Variants in CPQ observed in about 807,000 individuals in gnomAD.
CPQ encodes carboxypeptidase Q, also known as Ser-Met dipeptidase.
Under a neutral mutation model 45.7 loss-of-function variants are expected in CPQ, and 37 were observed. The observed-to-expected ratio is 0.81, with a 90% confidence interval of 0.62 to 1.07. CPQ has a LOEUF of 1.07. CPQ is among the 50% of genes least tolerant of loss of function. CPQ has a pLI of 0.00. For missense variants in CPQ, 537 were observed against 572.9 expected, an observed-to-expected ratio of 0.94 and a Z score of 0.64; for synonymous variants, 186 against 205.8, an observed-to-expected ratio of 0.90 and a Z score of 0.82.
In CPQ at chr8:96,930,248, C is replaced by T. The variant is rs566525455; in HGVS notation, c.850-35687C>T. Among the ~76,000 whole-genome samples, 36 of 152,310 alleles carry T rather than the reference C, an allele frequency of 2.4e-4. No individual in the cohort carries two copies. The South Asian group carries it at 7.2e-3, about 31-fold the overall frequency. ...TTTTCGTCCAGCAGATGGCTAGCAA[C>T]AAGAACTGCTTAGAAGACCTTCACT... On this transcript the variant is annotated intron_variant, in intron 4 of 7. Coordinates refer to ENST00000220763, the MANE Select transcript of CPQ (RefSeq NM_016134.4).
At chr8:96,757,077 T>C (rs1344600272) in intron 1 of CPQ, among the ~76,000 whole-genome samples, 1 of 152,076 alleles carries the variant, frequency 6.6e-6, no homozygotes, top group African/African-American at 2.4e-5. Flanking sequence ...CAGCTGAGCG[T>C]GGTGACTCAT....
At chr8:96,928,062 C>T (rs925275601) in intron 4 of CPQ, among the ~76,000 whole-genome samples, 1 of 152,148 alleles carries the variant, frequency 6.6e-6, no homozygotes, top group African/African-American at 2.4e-5. Context: ...CAGCAGGTCC[C>T]GTACAGCTGA....
rs1563580597 is a variant in CPQ at position 97,101,978 on chromosome 8, C to CT, written c.1255+35768_1255+35769insT. ...TCTCTCTCTCTCTCTCTCTCTCTCT[C>CT]CTGATAGCTCACCTTATGTTAAGTG... is the stretch of plus-strand genomic sequence containing the variant. On this transcript the variant is annotated intron_variant, in intron 7 of 7. Transcript: ENST00000220763. 2.9e-3 allele frequency among the ~76,000 whole-genome samples: 428 copies of CT among 145,280 alleles called. 1 individual carries two copies. Among genetic ancestry groups the CT allele is most frequent in the African/African-American group, 0.011 (413 of 38,800 alleles).
chr8:96,784,401 G>GC (rs1810730383), intron 1 of CPQ, among the ~76,000 whole-genome samples: 4 of 146,306 alleles, frequency 2.7e-5, no homozygotes, highest in African/African-American at 1.0e-4. Context: ...TTCTGAGGTG[G>GC]GGGGGGGGTT....
intron 1 of CPQ, among the ~76,000 whole-genome samples, chr8:96,764,521 C>G (rs1810443677): frequency 6.6e-6 from 1 of 152,054 alleles, no homozygotes; most frequent in South Asian, 2.1e-4. Context: ...AAACATATGT[C>G]AAAACTTATT....
intron 5 of CPQ, among the ~76,000 whole-genome samples, chr8:96,969,858 AAG>A (rs1813632233): frequency 6.6e-6 from 1 of 152,194 alleles, no homozygotes; most frequent in African/African-American, 2.4e-5. Flanking sequence ...AAAGAAAAGA[AAG>A]AGTTTTGGTA....
chr8:97,026,619 T>C (rs1406496909), intron 5 of CPQ, among the ~76,000 whole-genome samples: 1 of 152,236 alleles, frequency 6.6e-6, no homozygotes, highest in Non-Finnish European at 1.5e-5. Context: ...AACTTCTTCC[T>C]AAGGCCTTCA....
At chr8:96,788,304 G>A (rs573202189) in intron 2 of CPQ, among the ~76,000 whole-genome samples, 2 of 151,870 alleles carry the variant, frequency 1.3e-5, no homozygotes, top group Admixed American at 1.3e-4. Context: ...GATTACAGGT[G>A]CACACCACCA....
rs563114447 is a variant in CPQ, at chr8:97,083,490, T to G, written c.1255+17280T>G. Among the ~76,000 whole-genome samples, 6 of 152,274 alleles carry G rather than the reference T, an allele frequency of 3.9e-5. No homozygotes were observed. The South Asian group carries it at 8.3e-4, about 21-fold the overall frequency. On this transcript the variant is annotated intron_variant, in intron 7 of 7. Transcript: ENST00000220763. ...ACTATACTGGTTCAGTGTCCTTGTT[T>G]AGGAAAGCAGCCTGACTCATTTCAC... is the stretch of plus-strand genomic sequence containing the variant.
chr8:97,127,590 G>A (rs1811868953), intron 7 of CPQ, among the ~76,000 whole-genome samples: 2 of 152,126 alleles, frequency 1.3e-5, no homozygotes, highest in South Asian at 4.1e-4. Context: ...TCAGGAGGCT[G>A]AGGCACGGGA....
chr8:96,954,720 A>G (rs1586465258), intron 4 of CPQ, among the ~76,000 whole-genome samples: 1 of 152,030 alleles, frequency 6.6e-6, no homozygotes, highest in Non-Finnish European at 1.5e-5. Context: ...AACATTAGGT[A>G]TATCTCCTAA....
intron 3 of CPQ, among the ~76,000 whole-genome samples, chr8:96,854,491 A>G (rs1316166146): frequency 8.1e-6 from 1 of 123,078 alleles, no homozygotes; most frequent in African/African-American, 3.2e-5. Flanking sequence ...AGATTGCGCC[A>G]CTGCACTCCA....
intron 5 of CPQ, among the ~76,000 whole-genome samples, chr8:96,981,348 T>G (rs1813892128): frequency 6.6e-6 from 1 of 152,236 alleles, no homozygotes; most frequent in African/African-American, 2.4e-5. Flanking sequence ...TTGCTCTGAT[T>G]AATGTATGTG....
rs190390394 is a variant in CPQ at position 96,702,661 on chromosome 8, A to G, written c.-35+57259A>G. Among the ~76,000 whole-genome samples the G allele has an allele frequency of 4.6e-5, 7 of 152,310 alleles. No individual in the cohort carries two copies. The East Asian group carries it at 1.2e-3, about 25-fold the overall frequency. ...TTATTTCAAGATGGTAAACTGAGAC[A>G]TGGAGCCATTAAGTAACTTTTCTAA... is the stretch of plus-strand genomic sequence containing the variant. On this transcript the variant is annotated intron_variant, in intron 1 of 7. Coordinates refer to ENST00000220763, the MANE Select transcript of CPQ (RefSeq NM_016134.4).
intron 1 of CPQ, among the ~76,000 whole-genome samples, chr8:96,684,957 A>T (rs935143536): frequency 6.6e-6 from 1 of 151,972 alleles, no homozygotes; most frequent in Non-Finnish European, 1.5e-5. Flanking sequence ...TACAAAAATT[A>T]GCCAGGCATG....
At chr8:96,836,024 T>C (rs1811525083) in intron 3 of CPQ, among the ~76,000 whole-genome samples, 1 of 152,218 alleles carries the variant, frequency 6.6e-6, no homozygotes, top group Non-Finnish European at 1.5e-5. Context: ...ATTATGGCAG[T>C]GTCATACGTT....
At chr8:96,697,551 G>A (rs536398181) in intron 1 of CPQ, among the ~76,000 whole-genome samples, 2 of 152,216 alleles carry the variant, frequency 1.3e-5, no homozygotes, top group South Asian at 4.1e-4. Flanking sequence ...ATCCAGATTG[G>A]AATGGAAGAA....
chr8:96,928,736 C>G (rs1221663034), intron 4 of CPQ, among the ~76,000 whole-genome samples: 1 of 152,162 alleles, frequency 6.6e-6, no homozygotes, highest in Non-Finnish European at 1.5e-5. Flanking sequence ...GCAAAGGCTT[C>G]CTCTTCATTG....
intron 6 of CPQ, among the ~76,000 whole-genome samples, chr8:97,063,056 C>G (rs528078315): frequency 1.3e-5 from 2 of 152,300 alleles, no homozygotes; most frequent in South Asian, 4.1e-4. Context: ...GGAGTCGCCA[C>G]ACTGCTTTCC....
Sources: allele counts gnomAD v4.1 joint callset (sites outside exome capture counted in the v4.1 genomes callset), GRCh38; gene constraint gnomAD v4.1.1; transcripts MANE v1.5; gene names NCBI Gene and HGNC (gene_info 2026-07-23, HGNC 2026-07-21).